TENM4: variants seen among roughly 807,000 people sequenced by gnomAD.
TENM4 encodes teneurin-4.
In TENM4, 82 loss-of-function variants were observed where a neutral mutation model predicts 243.3. The ratio of observed to expected loss-of-function variants is 0.34; its 90% CI spans 0.28 to 0.40. The LOEUF (loss-of-function observed/expected upper bound fraction) is 0.40, where lower values mean the gene tolerates loss of function less well. TENM4 is among the 10% of genes least tolerant of loss of function. TENM4 has a pLI of 1.00. For missense variants in TENM4, 3,138 were observed against 3,673.3 expected, an observed-to-expected ratio of 0.85 and a Z score of 3.77; for synonymous variants, 1,412 against 1,456.3, an observed-to-expected ratio of 0.97 and a Z score of 0.69.
At chr11:79,421,097 G>T (rs925852414) in intron 1 of TENM4, among the ~76,000 whole-genome samples, 14 of 152,104 alleles carry the variant, frequency 9.2e-5, no homozygotes, top group Non-Finnish European at 1.2e-4. Flanking sequence ...CTCTCCCTTT[G>T]CTTTTCTCTT....
chr11:79,064,408 T>G lies in TENM4; in HGVS notation c.493+330A>C, dbSNP rs113106882. On this transcript the variant is annotated intron_variant, in intron 6 of 33. Coordinates refer to ENST00000278550, the MANE Select transcript of TENM4 (RefSeq NM_001098816.3). ...TCAGGCAGGACCAGGCCTTGCTGATTTGATGGAGGATAAACTATGGGGAAT... is the reference window on the plus strand; with the variant it reads ...TCAGGCAGGACCAGGCCTTGCTGATGTGATGGAGGATAAACTATGGGGAAT... 4.1e-4 allele frequency among the ~76,000 whole-genome samples: 63 copies of G among 152,110 alleles called. 1 individual carries two copies. Among genetic ancestry groups the G allele is most frequent in the Admixed American group, 6.5e-5 (1 of 15,276 alleles).
intron 6 of TENM4, among the ~76,000 whole-genome samples, chr11:79,063,973 TAGAC>T (rs989752530): frequency 3.9e-5 from 6 of 152,164 alleles, no homozygotes; most frequent in South Asian, 2.1e-4. Context: ...TTATTTTTAA[TAGAC>T]AGATAATAAT....
At chr11:79,122,243 A>T (rs181662274) in intron 4 of TENM4, among the ~76,000 whole-genome samples, 1 of 152,310 alleles carries the variant, frequency 6.6e-6, no homozygotes, top group South Asian at 2.1e-4. Context: ...TAAGGAAGGA[A>T]GGAGGGAAAG....
chr11:78,987,710 A>G lies in TENM4; in HGVS notation c.493+77028T>C, dbSNP rs143786546. Among the ~76,000 whole-genome samples the G allele has an allele frequency of 4.8e-3, 737 of 152,354 alleles. 9 individuals carry two copies. The highest frequency in any genetic ancestry group is 0.024 in the Middle Eastern group (7 of 294). ...ATAAATGTGAAGGTGCTACATTCAA[A>G]TAATAAAAATAGTAGTTACCATTAT... On this transcript the variant is annotated intron_variant, in intron 6 of 33. Coordinates refer to ENST00000278550, the MANE Select transcript of TENM4 (RefSeq NM_001098816.3).
At chr11:79,359,178 A>G (rs897625532) in intron 1 of TENM4, among the ~76,000 whole-genome samples, 2 of 152,098 alleles carry the variant, frequency 1.3e-5, no homozygotes, top group Admixed American at 1.3e-4. Flanking sequence ...AGGCAGGAGG[A>G]TTCTTTGAAC....
intron 6 of TENM4, among the ~76,000 whole-genome samples, chr11:78,999,994 C>G (rs1039816266): frequency 6.6e-6 from 1 of 152,130 alleles, no homozygotes; most frequent in Non-Finnish European, 1.5e-5. Flanking sequence ...GCCAAAGACA[C>G]AGAGAAAATT....
intron 4 of TENM4, among the ~76,000 whole-genome samples, chr11:79,148,112 A>G (rs1335129564): frequency 6.6e-6 from 1 of 152,084 alleles, no homozygotes; most frequent in Non-Finnish European, 1.5e-5. Context: ...TCATCCATAT[A>G]CTGGGCAAAG....
intron 6 of TENM4, among the ~76,000 whole-genome samples, chr11:78,914,541 C>A (rs1266484037): frequency 6.6e-6 from 1 of 152,150 alleles, no homozygotes; most frequent in East Asian, 1.9e-4. Flanking sequence ...ATATAATGAG[C>A]CTCAACCTCC....
intron 4 of TENM4, among the ~76,000 whole-genome samples, chr11:79,139,100 AAAATATATATTATATTTCTAT>A (rs1190880544): frequency 6.7e-5 from 3 of 45,054 alleles, no homozygotes; most frequent in East Asian, 1.3e-3. Flanking sequence ...ATAAATATAT[AAAATATATATTATATTTCTAT>A]AAATATATAT....
At chr11:78,980,782 G>A (rs1249741804) in intron 6 of TENM4, among the ~76,000 whole-genome samples, 2 of 152,212 alleles carry the variant, frequency 1.3e-5, no homozygotes, top group Non-Finnish European at 2.9e-5. Flanking sequence ...GGGGCTTAAA[G>A]AGTTCTATGA....
chr11:78,996,135 C>A (rs1471418760), intron 6 of TENM4, among the ~76,000 whole-genome samples: 3 of 152,146 alleles, frequency 2.0e-5, no homozygotes, highest in African/African-American at 7.2e-5. Context: ...TTGTCACTAA[C>A]CTCATCATGA....
At chr11:79,138,188 C>G (rs907257206) in intron 4 of TENM4, among the ~76,000 whole-genome samples, 1 of 149,894 alleles carries the variant, frequency 6.7e-6, no homozygotes, top group Non-Finnish European at 1.5e-5. Flanking sequence ...TTCCTGCCCT[C>G]AAATATCGGA....
chr11:78,751,290 A>G (rs952707427), intron 19 of TENM4, among the ~76,000 whole-genome samples: 1 of 152,024 alleles, frequency 6.6e-6, no homozygotes, highest in African/African-American at 2.4e-5. Flanking sequence ...CTTTGGGGTA[A>G]ATTCTCTGGT....
At chr11:79,313,454 T>A (rs985984981) in intron 1 of TENM4, among the ~76,000 whole-genome samples, 1 of 152,196 alleles carries the variant, frequency 6.6e-6, no homozygotes, top group Non-Finnish European at 1.5e-5. Flanking sequence ...TCATTTCCAA[T>A]GTTTGCTGGT....
intron 25 of TENM4, among the ~76,000 whole-genome samples, chr11:78,717,955 T>C (rs1457077526): frequency 6.6e-6 from 1 of 152,142 alleles, no homozygotes; most frequent in East Asian, 1.9e-4. Context: ...GGATTATGGG[T>C]TTCTGTACTG....
At chr11:79,104,027 C>A (rs1411116564) in intron 4 of TENM4, among the ~76,000 whole-genome samples, 4 of 152,172 alleles carry the variant, frequency 2.6e-5, no homozygotes, top group Non-Finnish European at 4.4e-5. Context: ...ACACCCCTAT[C>A]CCAGATTTCA....
At chr11:79,017,591 G>T (rs1858813448) in intron 6 of TENM4, among the ~76,000 whole-genome samples, 1 of 152,198 alleles carries the variant, frequency 6.6e-6, no homozygotes, top group African/African-American at 2.4e-5. Flanking sequence ...ATGGTGGGGG[G>T]AGAAGTGGAA....
chr11:78,803,473 A>G (rs1339400010), intron 15 of TENM4, among the ~76,000 whole-genome samples: 1 of 152,236 alleles, frequency 6.6e-6, no homozygotes, highest in Non-Finnish European at 1.5e-5. Flanking sequence ...CCCCAAAAAA[A>G]GATTTGAACC....
chr11:78,677,739 T>A (rs981016076), intron 29 of TENM4, among the ~76,000 whole-genome samples: 1 of 152,136 alleles, frequency 6.6e-6, no homozygotes, highest in African/African-American at 2.4e-5. Flanking sequence ...TGATTTGAAA[T>A]TTTAAATTTG....
Sources: allele counts gnomAD v4.1 joint callset (sites outside exome capture counted in the v4.1 genomes callset), GRCh38; gene constraint gnomAD v4.1.1; transcripts MANE v1.5; gene names NCBI Gene and HGNC (gene_info 2026-07-23, HGNC 2026-07-21).